LIPF: variants seen among roughly 807,000 people sequenced by gnomAD.
LIPF encodes gastric triacylglycerol lipase.
In LIPF, 25 loss-of-function variants were observed where a neutral mutation model predicts 38.0. That is an observed-to-expected ratio of 0.66 (90% CI 0.48 to 0.92). The LOEUF is 0.92. Ranked by LOEUF, LIPF falls within the 40% of genes least tolerant of loss-of-function variation. LIPF has a pLI of 0.00. For missense variants in LIPF, 410 were observed against 469.9 expected, an observed-to-expected ratio of 0.87 and a Z score of 1.18; for synonymous variants, 161 against 156.2, an observed-to-expected ratio of 1.03 and a Z score of -0.23.
chr10:88,671,067 C>CTATA (rs1841589356), intron 5 of LIPF, among the ~76,000 whole-genome samples: 1 of 152,264 alleles, frequency 6.6e-6, no homozygotes, highest in Non-Finnish European at 1.5e-5. Context: ...GCCTATGTAG[C>CTATA]TATACTGCAG....
intron 5 of LIPF, 83 bp from the exon 6 acceptor site, chr10:88,671,746 A>T: frequency 6.6e-7 from 1 of 1,521,030 alleles, no homozygotes; most frequent in Non-Finnish European, 8.8e-7. Context: ...AGTCCAAAAT[A>T]ATGTCACACT....
At position 88,668,471 on chromosome 10, in the gene LIPF, T is replaced by C. The variant is rs552872564; in HGVS notation, c.224-87T>C. 8 of 1,099,588 alleles carry C rather than the reference T, an allele frequency of 7.3e-6. No individual in the cohort carries two copies. In the East Asian group the frequency reaches 1.7e-4, roughly 24 times the overall value. The allele number at this position is 1,099,588 out of a possible 1,614,324, so 68.1% of individuals were successfully genotyped here. On this transcript the variant is annotated intron_variant, in intron 3 of 9. Coordinates refer to ENST00000238983, the MANE Select transcript of LIPF (RefSeq NM_004190.4). ...TCAATCAGGCAAATGTATTTAGTGC[T>C]AGTCATATGGAAGACTGTTTCTAGC... is the stretch of plus-strand genomic sequence containing the variant.
At position 88,669,888 on chromosome 10, in the gene LIPF, A is replaced by G. The variant is rs17287051; in HGVS notation, c.474A>G (p.Val158=). ...TTCCAGCCACAATCGACTTCATTGT[A>G]AAGAAAACTGGACAGAAGCAGCTAC... The part of the protein sequence containing the change: ...YDLPATIDFI[V]KKTGQKQLHY... Residue 158 remains valine, a synonymous_variant, in exon 5 of 10, where the codon GTA becomes GTG. Transcript: ENST00000238983. The G allele has an allele frequency of 8.9e-4, 1,434 of 1,613,728 alleles. 1 individual carries two copies. Among genetic ancestry groups the G allele is most frequent in the Non-Finnish European group, 1.1e-3 (1,311 of 1,179,680 alleles).
At chr10:88,674,193 TAG>T (rs17287107) in intron 7 of LIPF, among the ~76,000 whole-genome samples, 18,472 of 152,120 alleles carry the variant, frequency 0.12, 1,367 homozygotes, top group African/African-American at 0.22. Context: ...TTTTTTGAGA[TAG>T]AGTCTCGCTG....
intron 1 of LIPF, among the ~76,000 whole-genome samples, chr10:88,666,030 C>T (rs1003078504): frequency 1.8e-4 from 28 of 152,182 alleles, no homozygotes; most frequent in African/African-American, 5.3e-4. Context: ...AGCTACCGCG[C>T]TCTGCCAAAA....
chr10:88,671,116 C>G (rs1018226402), intron 5 of LIPF, among the ~76,000 whole-genome samples: 1 of 152,106 alleles, frequency 6.6e-6, no homozygotes, highest in African/African-American at 2.4e-5. Flanking sequence ...TCCTCATCTG[C>G]CAGTATACTA....
In LIPF at chr10:88,669,814, T is replaced by A. The variant is rs530185209; in HGVS notation, c.423-23T>A. Reference sequence around the variant, plus strand: ...CAATAGCAAGGAAATGTATTCACTTTCATTTTGTCTTTTTCCTTTCAGCTT... The same window carrying A: ...CAATAGCAAGGAAATGTATTCACTTACATTTTGTCTTTTTCCTTTCAGCTT... On this transcript the variant is annotated intron_variant, in intron 4 of 9. Transcript: ENST00000238983. The A allele has an allele frequency of 2.7e-6, 4 of 1,489,400 alleles. No individual in the cohort carries two copies. In the South Asian group the frequency reaches 4.6e-5, roughly 17 times the overall value. The allele number at this position is 1,489,400 out of a possible 1,614,324, so 92.3% of individuals were successfully genotyped here.
intron 9 of LIPF, among the ~76,000 whole-genome samples, chr10:88,677,624 T>A (rs865943490): frequency 2.6e-5 from 4 of 152,216 alleles, no homozygotes; most frequent in African/African-American, 9.6e-5. Context: ...AATATTTTGC[T>A]ATGGCAAGTT....
chr10:88,667,351 T>C lies in LIPF; in HGVS notation c.54T>C (p.His18=), dbSNP rs749810708. The part of the protein sequence containing the change: ...ASLISVLGTT[H]GLFGKLHPGS... ...TGATATCTGTACTGGGGACTACACA[T>C]GGTTTGTTTGGAAAATTACATCCTG... is the stretch of plus-strand genomic sequence containing the variant. The change falls in exon 2 of 10, where the codon CAT becomes CAC. Residue 18 remains histidine, a synonymous_variant. Transcript: ENST00000238983. 3.1e-6 allele frequency: 5 copies of C among 1,613,490 alleles called. No individual in the cohort carries two copies. Among genetic ancestry groups the C allele is most frequent in the African/African-American group, 2.7e-5 (2 of 74,916 alleles).
chr10:88,665,640 TCTGGTTTGAATGTTACAACACTA>T (rs1357295138), intron 1 of LIPF: 1 of 1,035,388 alleles, frequency 9.7e-7, no homozygotes, highest in Non-Finnish European at 1.4e-6. Flanking sequence ...GATGAAAGCC[TCTGGTTTGAATGTTACAACACTA>T]CTGGTTAGTC....
At chr10:88,673,344 C>T (rs928770015) in intron 6 of LIPF, among the ~76,000 whole-genome samples, 1 of 152,206 alleles carries the variant, frequency 6.6e-6, no homozygotes, top group Admixed American at 6.5e-5. Flanking sequence ...CTTATACTTC[C>T]TCTCAGCAGC....
At chr10:88,668,088 G>A (rs1841541291) in intron 3 of LIPF, among the ~76,000 whole-genome samples, 1 of 152,134 alleles carries the variant, frequency 6.6e-6, no homozygotes, top group Non-Finnish European at 1.5e-5. Context: ...TAGCCAGGGT[G>A]TGTGTTGCAG....
At chr10:88,678,336 A>G in intron 9 of LIPF, 109 bp from the exon 10 acceptor site, 1 of 808,444 alleles carries the variant, frequency 1.2e-6, no homozygotes, top group Admixed American at 1.9e-5. Context: ...TCATTGCTAG[A>G]ATTCACTTAT....
chr10:88,673,360 C>T (rs1396259595), intron 6 of LIPF, among the ~76,000 whole-genome samples: 1 of 152,192 alleles, frequency 6.6e-6, no homozygotes, highest in African/African-American at 2.4e-5. Context: ...GCAGCCAGTA[C>T]AGTTCTCAGT....
At chr10:88,667,053 G>A (rs548201073) in intron 1 of LIPF, among the ~76,000 whole-genome samples, 1 of 151,958 alleles carries the variant, frequency 6.6e-6, no homozygotes, top group African/African-American at 2.4e-5. Flanking sequence ...TAAACAAAAG[G>A]AATCAAACAG....
At chr10:88,667,494 A>T in intron 2 of LIPF, 75 bp from the exon 3 acceptor site, 1 of 1,037,130 alleles carries the variant, frequency 9.6e-7, no homozygotes, top group Non-Finnish European at 1.5e-6. Context: ...CCAATTAAAA[A>T]TAAACAGTAA....
intron 6 of LIPF, 92 bp downstream of exon 6, chr10:88,672,057 A>T (rs1486956660): frequency 8.2e-7 from 1 of 1,218,630 alleles, no homozygotes; most frequent in East Asian, 2.5e-5. Flanking sequence ...ATAAAAAGAG[A>T]ACAATCATTT....
chr10:88,670,160 G>T (rs1377628060), intron 5 of LIPF, among the ~76,000 whole-genome samples: 1 of 152,110 alleles, frequency 6.6e-6, no homozygotes, highest in East Asian at 1.9e-4. Context: ...TTACCAATAG[G>T]GTAGCTCAGG....
At position 88,678,379 on chromosome 10, in the gene LIPF, GAAT is replaced by G. The variant is rs141633577; in HGVS notation, c.961-64_961-62del. ...CCAGTTAATGTTATACACTCTACTTGAATAGTAAGTACTGGGTTTAAAGTGTGG... is the reference window on the plus strand; with the variant it reads ...CCAGTTAATGTTATACACTCTACTTGAGTAAGTACTGGGTTTAAAGTGTGG... On this transcript the variant is annotated intron_variant, in intron 9 of 9. Coordinates refer to ENST00000238983, the MANE Select transcript of LIPF (RefSeq NM_004190.4). 2,035 of 1,145,138 alleles carry G rather than the reference GAAT, an allele frequency of 1.8e-3. 25 individuals are homozygous for G. In the African/African-American group the frequency reaches 0.027, roughly 15 times the overall value. 70.9% of individuals were successfully genotyped at this position (1,145,138 alleles called of 1,614,324 possible).
Sources: allele counts gnomAD v4.1 joint callset (sites outside exome capture counted in the v4.1 genomes callset), GRCh38; gene constraint gnomAD v4.1.1; transcripts MANE v1.5; gene names NCBI Gene and HGNC (gene_info 2026-07-23, HGNC 2026-07-21).